ITGA9: variants seen among roughly 807,000 people sequenced by gnomAD.
The protein encoded by ITGA9 is integrin alpha-9.
In ITGA9, 56 loss-of-function variants were observed where a neutral mutation model predicts 127.8. That is an observed-to-expected ratio of 0.44 (90% CI 0.35 to 0.55). The LOEUF (loss-of-function observed/expected upper bound fraction) is 0.55. ITGA9 is among the 20% of genes least tolerant of loss of function. ITGA9 has a pLI of 0.00. For missense variants in ITGA9, 1,196 were observed against 1,347.1 expected (o/e 0.89, Z 1.76); for synonymous variants, 508 against 514.5 (o/e 0.99, Z 0.17).
chr3:37,474,929 C>T (rs1171303114), intron 3 of ITGA9, among the ~76,000 whole-genome samples: 1 of 152,244 alleles, frequency 6.6e-6, no homozygotes, highest in East Asian at 1.9e-4. Flanking sequence ...ATTCCGTCCT[C>T]AGCACAATTA....
At chr3:37,568,087 C>T (rs1176442526) in intron 15 of ITGA9, among the ~76,000 whole-genome samples, 1 of 152,278 alleles carries the variant, frequency 6.6e-6, no homozygotes, top group Non-Finnish European at 1.5e-5. Context: ...CCCACTCCTG[C>T]AGCAGATTTC....
chr3:37,503,386 TGTTGGAAAGAGGAGTTA>T, intron 6 of ITGA9, 79 bp downstream of exon 6: 2 of 1,538,580 alleles, frequency 1.3e-6, no homozygotes, highest in Non-Finnish European at 1.8e-6. Flanking sequence ...ATTGCTTCAT[TGTTGGAAAGAGGAGTTA>T]GTTGGCTTTG....
chr3:37,581,627 G>A (rs1402915460), intron 15 of ITGA9, among the ~76,000 whole-genome samples: 1 of 152,230 alleles, frequency 6.6e-6, no homozygotes, highest in Non-Finnish European at 1.5e-5. Flanking sequence ...AAGTTGGTCA[G>A]TTTTGAGCAA....
chr3:37,725,840 G>A (rs1022833829), intron 18 of ITGA9, among the ~76,000 whole-genome samples: 10 of 152,172 alleles, frequency 6.6e-5, no homozygotes, highest in African/African-American at 2.4e-4. Flanking sequence ...GAGAAAGGAT[G>A]GTTAATTTGC....
chr3:37,719,594 G>A (rs1701169603), intron 18 of ITGA9, among the ~76,000 whole-genome samples: 1 of 152,128 alleles, frequency 6.6e-6, no homozygotes, highest in South Asian at 2.1e-4. Flanking sequence ...GTTCGCCATA[G>A]GCGAACTGTT....
intron 18 of ITGA9, among the ~76,000 whole-genome samples, chr3:37,710,308 G>A (rs1701065118): frequency 6.6e-6 from 1 of 152,160 alleles, no homozygotes; most frequent in Non-Finnish European, 1.5e-5. Context: ...TAATGGCAAT[G>A]CTTCCTCTTT....
intron 27 of ITGA9, among the ~76,000 whole-genome samples, chr3:37,810,828 G>A (rs1179952249): frequency 1.3e-5 from 2 of 152,196 alleles, no homozygotes; most frequent in East Asian, 1.9e-4. Context: ...CCCCACCTAC[G>A]CATGCACTGT....
chr3:37,473,453 G>A lies in ITGA9; in HGVS notation c.413G>A (p.Arg138His), dbSNP rs376199202. ...GCCCGACAGCCCAAGGCTGATGGCC[G>A]TGTGTTGGTAAGTCCCTCCTGGGGG... The part of the protein sequence containing the change: ...SLARQPKADG[R>H]VLACAHRWKN... Residue 138 changes from arginine to histidine, a missense_variant, in exon 3 of 28, where the codon CGT (arginine) becomes CAT (histidine). Physicochemically the swap from Arg to His is conservative, Grantham distance 29. Transcript: ENST00000264741. 44 of 1,612,538 alleles carry A rather than the reference G, an allele frequency of 2.7e-5. No homozygotes were observed. Among genetic ancestry groups the A allele is most frequent in the African/African-American group, 5.3e-5 (4 of 75,022 alleles).
intron 3 of ITGA9, among the ~76,000 whole-genome samples, chr3:37,479,512 T>TA (rs1486554216): frequency 6.6e-6 from 1 of 152,152 alleles, no homozygotes; most frequent in Non-Finnish European, 1.5e-5. Context: ...GCAGAGAGCT[T>TA]AGAAGGCTGT....
At chr3:37,493,320 A>G (rs1290678481) in intron 4 of ITGA9, among the ~76,000 whole-genome samples, 3 of 152,150 alleles carry the variant, frequency 2.0e-5, no homozygotes. Context: ...TGTATTTTGC[A>G]TTTCAAAAAT....
intron 18 of ITGA9, among the ~76,000 whole-genome samples, chr3:37,731,877 A>C (rs1445986888): frequency 6.6e-6 from 1 of 152,224 alleles, no homozygotes; most frequent in Non-Finnish European, 1.5e-5. Context: ...ACAAAATAAA[A>C]ATGTTTTTCA....
rs554236673 is a variant in ITGA9 at position 37,605,313 on chromosome 3, G to C, written c.1690-23874G>C. Among the ~76,000 whole-genome samples the C allele has an allele frequency of 2.1e-3, 317 of 152,310 alleles. 1 individual carries two copies. The highest frequency in any genetic ancestry group is 7.2e-3 in the African/African-American group (301 of 41,580). ...TGAGGGGCCTGGTGGGCCATGCTCAGTGGGGGTTTCATTTGACGAGCCATG... is the reference window on the plus strand; with the variant it reads ...TGAGGGGCCTGGTGGGCCATGCTCACTGGGGGTTTCATTTGACGAGCCATG... On this transcript the variant is annotated intron_variant, in intron 15 of 27. Transcript: ENST00000264741.
intron 15 of ITGA9, among the ~76,000 whole-genome samples, chr3:37,605,074 A>G (rs917695273): frequency 6.6e-6 from 1 of 152,130 alleles, no homozygotes; most frequent in African/African-American, 2.4e-5. Context: ...TACGAGTGCT[A>G]TGAGGGGAAT....
At chr3:37,725,928 A>G (rs1035125816) in intron 18 of ITGA9, among the ~76,000 whole-genome samples, 4 of 152,236 alleles carry the variant, frequency 2.6e-5, no homozygotes, top group South Asian at 4.1e-4. Flanking sequence ...TACAATTTCT[A>G]TGCTGCAGGC....
At chr3:37,565,162 G>T (rs1207747734) in intron 15 of ITGA9, among the ~76,000 whole-genome samples, 1 of 152,164 alleles carries the variant, frequency 6.6e-6, no homozygotes. Flanking sequence ...ATTGTAATGA[G>T]GATTAATGGA....
chr3:37,741,738 C>G lies in ITGA9; in HGVS notation c.2243C>G (p.Thr748Arg). Residue 748 changes from threonine (T) to arginine (R), a missense_variant, in exon 21 of 28, where the codon ACG (threonine) becomes AGG (arginine). Physicochemically the swap from Thr to Arg is moderately conservative, Grantham distance 71. Transcript: ENST00000264741. ...CTCCTCTCTCTGCACAGTGGCAACA[C>G]GGAGCGCTCTGAATCCCTGCATGAC... Reference protein sequence around the residue: ...SFIVTAQSGNTERSESLHDNT... With the variant: ...SFIVTAQSGNRERSESLHDNT... 1 of 1,613,418 alleles carries G rather than the reference C, an allele frequency of 6.2e-7. No homozygotes were observed. The highest frequency in any genetic ancestry group is 8.5e-7 in the Non-Finnish European group (1 of 1,179,678).
chr3:37,732,765 C>T lies in ITGA9; in HGVS notation c.2121C>T (p.Ser707=), dbSNP rs537086875. 6.2e-6 allele frequency: 10 copies of T among 1,611,414 alleles called. No homozygotes were observed. Among genetic ancestry groups the T allele is most frequent in the Middle Eastern group, 1.7e-4 (1 of 6,060 alleles). Residue 707 remains serine (S), a synonymous_variant, in exon 19 of 28, where the codon AGC becomes AGT. Transcript: ENST00000264741. ...ELLESDFLKC[S]VGFPFMRSKS... is the part of the protein sequence containing the mutation. ...TGGAATCGGACTTCCTCAAATGCAG[C>T]GTGGGATTTCCTTTCATGAGGTCAA... is the stretch of plus-strand genomic sequence containing the variant.
intron 21 of ITGA9, among the ~76,000 whole-genome samples, 178 bp from the exon 22 acceptor site, chr3:37,743,748 C>T (rs1266779311): frequency 6.6e-6 from 1 of 152,192 alleles, no homozygotes. Flanking sequence ...GATGAGAAGA[C>T]ACTACTATTC....
At chr3:37,468,055 G>T (rs1440488869) in intron 1 of ITGA9, among the ~76,000 whole-genome samples, 1 of 152,150 alleles carries the variant, frequency 6.6e-6, no homozygotes, top group Non-Finnish European at 1.5e-5. Flanking sequence ...GCTCTTGTGT[G>T]GGTGAGGGAG....
Sources: allele counts gnomAD v4.1 joint callset (sites outside exome capture counted in the v4.1 genomes callset), GRCh38; gene constraint gnomAD v4.1.1; transcripts MANE v1.5; gene names NCBI Gene and HGNC (gene_info 2026-07-23, HGNC 2026-07-21).